The following IL34 variants were observed in gnomAD, a reference collection of about 807,000 sequenced individuals.
IL34 encodes interleukin 34.
Under a neutral mutation model 25.3 loss-of-function variants are expected in IL34, and 17 were observed. That is an observed-to-expected ratio of 0.67 (90% CI 0.46 to 1.01). The LOEUF (loss-of-function observed/expected upper bound fraction) is 1.01. Ranked by LOEUF, IL34 falls within the 50% of genes least tolerant of loss-of-function variation. The pLI is 0.00. For synonymous variants in IL34, 174 were observed against 140.9 expected (o/e 1.23, Z -1.66); for missense variants, 368 against 312.9 (o/e 1.18, Z -1.33).
chr16:70,592,895 T>A (rs1281155372), intron 1 of IL34, among the ~76,000 whole-genome samples: 1 of 152,210 alleles, frequency 6.6e-6, no homozygotes, highest in Admixed American at 6.5e-5. Flanking sequence ...CTTAATGATC[T>A]GCCCGCCTCG....
chr16:70,587,762 G>A (rs1168493817), intron 1 of IL34, among the ~76,000 whole-genome samples: 4 of 152,110 alleles, frequency 2.6e-5, no homozygotes, highest in Middle Eastern at 3.2e-3. Flanking sequence ...AAAATAGCCG[G>A]GCGCAGCGGC....
At chr16:70,593,162 T>G (rs1597736355) in intron 1 of IL34, among the ~76,000 whole-genome samples, 1 of 152,280 alleles carries the variant, frequency 6.6e-6, no homozygotes, top group East Asian at 1.9e-4. Flanking sequence ...GTTTGTTTTC[T>G]TATTGTTGAG....
At chr16:70,605,172 G>A (rs1009321636) in intron 1 of IL34, among the ~76,000 whole-genome samples, 1 of 152,142 alleles carries the variant, frequency 6.6e-6, no homozygotes, top group Non-Finnish European at 1.5e-5. Flanking sequence ...AAAGGATCCC[G>A]AGAGCCTTGA....
Position 70,659,518 on chromosome 16 carries a change from TC to T in IL34, c.403-98del. 4 of 1,414,896 alleles carry T rather than the reference TC, an allele frequency of 2.8e-6. No individual in the cohort carries two copies. The South Asian group carries it at 6.2e-5, about 22-fold the overall frequency. 87.6% of individuals were successfully genotyped at this position (1,414,896 alleles called of 1,614,324 possible). A position where few individuals can be genotyped will look rare whatever the true frequency, so the allele number is the denominator to read the frequency against. ...TGGTCACAGGAAGTCTGGTCCTTCT[TC>T]CGGGGTTTGGGCAGCTCCAGGTGAC... On this transcript the variant is annotated intron_variant, in intron 4 of 5. Transcript: ENST00000288098.
intron 1 of IL34, among the ~76,000 whole-genome samples, chr16:70,605,951 C>T (rs143171325): frequency 2.0e-4 from 28 of 142,646 alleles, no homozygotes; most frequent in African/African-American, 5.1e-4. Context: ...GGATTACAGG[C>T]GTGAGCCACC....
rs1476994643 is a variant in IL34 at position 70,580,937 on chromosome 16, A to C, written c.-401+888A>C. 2.0e-5 allele frequency among the ~76,000 whole-genome samples: 3 copies of C among 149,012 alleles called. No homozygotes were observed. In the South Asian group the frequency reaches 6.4e-4, roughly 32 times the overall value. On this transcript the variant is annotated intron_variant, in intron 1 of 6. Transcript: ENST00000429149. ...TTGCATTTTTTTTTTTTTGAGATGG[A>C]GTCTTGCTGTGTCGACCAGGCTGGA... is the stretch of plus-strand genomic sequence containing the variant.
At chr16:70,635,213 T>TG (rs1284010152) in intron 1 of IL34, among the ~76,000 whole-genome samples, 1 of 152,148 alleles carries the variant, frequency 6.6e-6, no homozygotes, top group African/African-American at 2.4e-5. Flanking sequence ...AAGGGTAACG[T>TG]GGAGGGCCCC....
chr16:70,593,500 T>G (rs371526292), intron 1 of IL34, among the ~76,000 whole-genome samples: 3 of 152,248 alleles, frequency 2.0e-5, no homozygotes, highest in South Asian at 4.1e-4. Context: ...TCAAGATTTC[T>G]TAGTACCTAG....
chr16:70,657,031 G>C lies in IL34; in HGVS notation c.312G>C (p.Ser104=). ...TGGTGAGCCTCAGTGCCACTGAGTCGGTGCAGGACGTGCTGCTCGAGGGCC... is the reference window on the plus strand; with the variant it reads ...TGGTGAGCCTCAGTGCCACTGAGTCCGTGCAGGACGTGCTGCTCGAGGGCC... ...WVLVSLSATE[S]VQDVLLEGHP... The change falls in exon 4 of 6, where the codon TCG becomes TCC. Residue 104 remains serine (S), a synonymous_variant. Coordinates refer to ENST00000288098, the MANE Select transcript of IL34 (RefSeq NM_001393494.1). The C allele has an allele frequency of 1.2e-6, 2 of 1,612,614 alleles. No homozygotes were observed. The highest frequency in any genetic ancestry group is 1.7e-6 in the Non-Finnish European group (2 of 1,179,962).
intron 1 of IL34, among the ~76,000 whole-genome samples, chr16:70,634,475 T>A (rs1307209464): frequency 1.3e-5 from 2 of 151,380 alleles, no homozygotes; most frequent in Non-Finnish European, 2.9e-5. Flanking sequence ...AGGTCAGGAG[T>A]TCGAGACCAG....
chr16:70,611,559 C>T (rs2051091555), intron 1 of IL34, among the ~76,000 whole-genome samples: 1 of 151,966 alleles, frequency 6.6e-6, no homozygotes, highest in African/African-American at 2.4e-5. Context: ...GAGGCTGAGG[C>T]AGGTGGATCG....
At chr16:70,620,919 C>G (rs910584082) in intron 1 of IL34, among the ~76,000 whole-genome samples, 2 of 151,910 alleles carry the variant, frequency 1.3e-5, no homozygotes, top group South Asian at 2.1e-4. Flanking sequence ...TGGAATCTTA[C>G]GTATAGTGAA....
At chr16:70,629,644 A>C (rs2051473574) in intron 1 of IL34, among the ~76,000 whole-genome samples, 1 of 152,190 alleles carries the variant, frequency 6.6e-6, no homozygotes, top group Non-Finnish European at 1.5e-5. Context: ...AATGACAAGA[A>C]AAATGTCTGT....
chr16:70,648,851 C>T (rs1053230088), intron 1 of IL34, among the ~76,000 whole-genome samples: 3 of 152,124 alleles, frequency 2.0e-5, no homozygotes, highest in African/African-American at 4.8e-5. Context: ...GGCTGCGTTC[C>T]CTCTAAAGGT....
upstream of IL34, among the ~76,000 whole-genome samples, chr16:70,644,372 A>G (rs1485842925): frequency 6.6e-6 from 1 of 152,094 alleles, no homozygotes; most frequent in Non-Finnish European, 1.5e-5. Context: ...AGCCAGATTG[A>G]CAATTTTTGA....
chr16:70,592,991 T>C (rs2050774461), intron 1 of IL34, among the ~76,000 whole-genome samples: 2 of 152,118 alleles, frequency 1.3e-5, no homozygotes, highest in Admixed American at 1.3e-4. Flanking sequence ...GTTTTATTCT[T>C]TTTCTTTTTT....
At position 70,636,115 on chromosome 16, in the gene IL34, T is replaced by C. The variant is rs552850748; in HGVS notation, c.-400-10433T>C. 7.2e-5 allele frequency among the ~76,000 whole-genome samples: 11 copies of C among 151,992 alleles called. No individual in the cohort carries two copies. In the South Asian group the frequency reaches 2.1e-3, roughly 29 times the overall value. On this transcript the variant is annotated intron_variant, in intron 1 of 6. Coordinates refer to the IL34 transcript ENST00000429149. ...GTGCAGTGGCATGATCTCAACTCAA[T>C]GTAGCCTTCACCTCCCAGGTTCAAG...
At chr16:70,622,884 T>A (rs1167218890) in intron 1 of IL34, among the ~76,000 whole-genome samples, 1 of 152,088 alleles carries the variant, frequency 6.6e-6, no homozygotes, top group Non-Finnish European at 1.5e-5. Context: ...ACCCGCTGTA[T>A]GCAGACATGA....
intron 1 of IL34, among the ~76,000 whole-genome samples, chr16:70,623,357 T>G (rs2051320820): frequency 6.6e-6 from 1 of 152,012 alleles, no homozygotes; most frequent in Non-Finnish European, 1.5e-5. Flanking sequence ...ATAGGGTGGA[T>G]AGGCAAAACA....
Sources: allele counts gnomAD v4.1 joint callset (sites outside exome capture counted in the v4.1 genomes callset), GRCh38; gene constraint gnomAD v4.1.1; transcripts MANE v1.5; gene names NCBI Gene and HGNC (gene_info 2026-07-23, HGNC 2026-07-21).